The following ASTN2 variants were observed in gnomAD, a reference collection of about 807,000 sequenced individuals.
The protein encoded by ASTN2 is astrotactin 2, also known as astrotactin-2.
ASTN2 carries 54 observed loss-of-function variants against 139.8 expected under a neutral mutation model. The ratio of observed to expected loss-of-function variants is 0.39; its 90% confidence interval spans 0.31 to 0.48. ASTN2 has a LOEUF of 0.48. Ranked by LOEUF, ASTN2 falls within the 20% of genes least tolerant of loss-of-function variation. The pLI, the probability that ASTN2 is intolerant of heterozygous loss-of-function variation, is 0.95. For missense variants in ASTN2, 1,565 were observed against 1,725.1 expected, an observed-to-expected ratio of 0.91 and a Z score of 1.64; for synonymous variants, 756 against 719.5, an observed-to-expected ratio of 1.05 and a Z score of -0.81.
In ASTN2 at chr9:117,144,077, T is replaced by C. The variant is rs557138432; in HGVS notation, c.1016-2599A>G. Among the ~76,000 whole-genome samples the C allele has an allele frequency of 5.0e-4, 76 of 152,212 alleles. 1 individual carries two copies. The South Asian group carries it at 0.014, about 28-fold the overall frequency. ...TCATAAGAGTGGGATCCCAATCTGA[T>C]AGGATAGGTGGCCTTATAAACAGGG... is the stretch of plus-strand genomic sequence containing the variant. On this transcript the variant is annotated intron_variant, in intron 3 of 22. Coordinates refer to ENST00000313400, the MANE Select transcript of ASTN2 (RefSeq NM_001365068.1).
At chr9:116,685,389 C>A (rs1462017377) in intron 16 of ASTN2, among the ~76,000 whole-genome samples, 1 of 152,192 alleles carries the variant, frequency 6.6e-6, no homozygotes, top group Non-Finnish European at 1.5e-5. Flanking sequence ...ACTCCAGTCT[C>A]CCGCACAGCT....
chr9:116,685,017 G>T (rs2132032262), intron 16 of ASTN2, among the ~76,000 whole-genome samples: 1 of 152,262 alleles, frequency 6.6e-6, no homozygotes, highest in Middle Eastern at 3.4e-3. Flanking sequence ...CTGGGTACTA[G>T]ATTGCCTTTG....
intron 1 of ASTN2, among the ~76,000 whole-genome samples, chr9:117,334,384 TA>T (rs1296541318): frequency 6.6e-6 from 1 of 152,010 alleles, no homozygotes; most frequent in African/African-American, 2.4e-5. Context: ...GAGACTAGGA[TA>T]CATCAGCCAC....
At chr9:117,132,120 C>T (rs1829841307) in intron 4 of ASTN2, among the ~76,000 whole-genome samples, 1 of 152,044 alleles carries the variant, frequency 6.6e-6, no homozygotes, top group Non-Finnish European at 1.5e-5. Flanking sequence ...CAGATTGGAT[C>T]AGACAATGAA....
intron 19 of ASTN2, chr9:116,561,877 T>C (rs1041913759): frequency 6.6e-6 from 1 of 152,256 alleles, no homozygotes; most frequent in Admixed American, 6.5e-5. Flanking sequence ...TTTCATTCCC[T>C]TGACTTCCTC....
chr9:116,482,464 T>G (rs1380089449), intron 20 of ASTN2, among the ~76,000 whole-genome samples: 2 of 152,182 alleles, frequency 1.3e-5, no homozygotes, highest in Non-Finnish European at 2.9e-5. Context: ...CTAGCAGTAT[T>G]ATCCAGAAAG....
At chr9:116,845,048 T>C (rs1832385953) in intron 11 of ASTN2, among the ~76,000 whole-genome samples, 1 of 152,220 alleles carries the variant, frequency 6.6e-6, no homozygotes. Context: ...CTTGTAGTTC[T>C]AGCAGAACCA....
intron 20 of ASTN2, among the ~76,000 whole-genome samples, chr9:116,484,647 G>A (rs1471443938): frequency 6.6e-6 from 1 of 152,126 alleles, no homozygotes; most frequent in Non-Finnish European, 1.5e-5. Flanking sequence ...AGAGCGGCCC[G>A]GATCCCAGGG....
At chr9:117,405,949 G>A (rs1830974204) in intron 1 of ASTN2, among the ~76,000 whole-genome samples, 2 of 152,216 alleles carry the variant, frequency 1.3e-5, no homozygotes, top group African/African-American at 4.8e-5. Flanking sequence ...ATGGCTATGG[G>A]TGCTTAGAAG....
rs1422190835 is a variant in ASTN2 at position 117,106,300 on chromosome 9, C to T, written c.1169-10149G>A. On this transcript the variant is annotated intron_variant, in intron 4 of 22. Coordinates refer to ENST00000313400, the MANE Select transcript of ASTN2 (RefSeq NM_001365068.1). ...GGAGTGCAGTAGCGCAATCTCGGCT[C>T]ACTGCAACCTCCGCCTCCCATTTTC... is the stretch of plus-strand genomic sequence containing the variant. 2.0e-5 allele frequency among the ~76,000 whole-genome samples: 3 copies of T among 152,112 alleles called. No individual in the cohort carries two copies. The East Asian group carries it at 5.8e-4, about 29-fold the overall frequency.
At chr9:117,121,609 C>T (rs1402785876) in intron 4 of ASTN2, among the ~76,000 whole-genome samples, 1 of 152,198 alleles carries the variant, frequency 6.6e-6, no homozygotes, top group Admixed American at 6.5e-5. Context: ...GGCTGTGATG[C>T]AAACAACCCT....
intron 3 of ASTN2, among the ~76,000 whole-genome samples, chr9:117,204,082 C>T (rs892028480): frequency 2.0e-5 from 3 of 152,140 alleles, no homozygotes. Flanking sequence ...CAGGGAAGCC[C>T]CACCCACTGA....
intron 11 of ASTN2, among the ~76,000 whole-genome samples, chr9:116,862,715 C>T (rs1049869627): frequency 1.3e-5 from 2 of 151,714 alleles, no homozygotes; most frequent in Non-Finnish European, 2.9e-5. Context: ...GAAAAGGGAC[C>T]ACAGAAAGAA....
intron 13 of ASTN2, among the ~76,000 whole-genome samples, chr9:116,795,778 T>G (rs1830673715): frequency 6.7e-6 from 1 of 148,792 alleles, no homozygotes; most frequent in Admixed American, 6.6e-5. Context: ...GAGAAAGGAA[T>G]GGTTATTGGG....
At chr9:116,537,476 GAC>G (rs888970668) in intron 19 of ASTN2, among the ~76,000 whole-genome samples, 4 of 152,180 alleles carry the variant, frequency 2.6e-5, no homozygotes, top group Non-Finnish European at 5.9e-5. Flanking sequence ...CATTATATGA[GAC>G]ACAGTGATAT....
intron 19 of ASTN2, among the ~76,000 whole-genome samples, chr9:116,514,617 G>A (rs1391863072): frequency 6.6e-6 from 1 of 152,180 alleles, no homozygotes; most frequent in Non-Finnish European, 1.5e-5. Flanking sequence ...AGTCTACAGA[G>A]GCAGGCAGGC....
chr9:117,406,155 G>A (rs1288339315), intron 1 of ASTN2, among the ~76,000 whole-genome samples: 2 of 152,160 alleles, frequency 1.3e-5, no homozygotes, highest in Non-Finnish European at 2.9e-5. Context: ...CAGAGATGAA[G>A]GAGGTACATT....
chr9:117,400,455 A>G (rs1184329723), intron 1 of ASTN2, among the ~76,000 whole-genome samples: 3 of 152,214 alleles, frequency 2.0e-5, no homozygotes, highest in Non-Finnish European at 4.4e-5. Flanking sequence ...TAAAGAGGTC[A>G]GGACAATAAA....
At chr9:117,218,189 C>G (rs76227671) in intron 2 of ASTN2, among the ~76,000 whole-genome samples, 1 of 152,184 alleles carries the variant, frequency 6.6e-6, no homozygotes, top group Non-Finnish European at 1.5e-5. Context: ...GCAGAGGGAC[C>G]CCCTGGTTTG....
Sources: gnomAD v4.1 joint callset for allele counts (sites outside exome capture counted in the v4.1 genomes callset) on GRCh38, gnomAD v4.1.1 for gene constraint, MANE v1.5 for transcripts, NCBI Gene and HGNC (gene_info 2026-07-23, HGNC 2026-07-21) for gene names.